CTNNA3: variants seen among roughly 807,000 people sequenced by gnomAD.
The protein encoded by CTNNA3 is catenin alpha-3.
In CTNNA3, 76 loss-of-function variants were observed where a neutral mutation model predicts 95.7. That is an observed-to-expected ratio of 0.79 (90% CI 0.66 to 0.96). The LOEUF (loss-of-function observed/expected upper bound fraction) is 0.96. CTNNA3 is among the 40% of genes least tolerant of loss of function. The pLI, the probability that CTNNA3 is intolerant of heterozygous loss-of-function variation, is 0.00. For missense variants in CTNNA3, 1,191 were observed against 1,089.8 expected (o/e 1.09, Z -1.31); for synonymous variants, 431 against 374.4 (o/e 1.15, Z -1.74).
chr10:67,414,020 A>G (rs1434609764), intron 5 of CTNNA3, among the ~76,000 whole-genome samples: 1 of 152,150 alleles, frequency 6.6e-6, no homozygotes, highest in Non-Finnish European at 1.5e-5. Context: ...TTGCACCTAC[A>G]GGAACAAGAA....
chr10:67,750,982 A>G (rs1841403953), intron 1 of CTNNA3: 1 of 1,593,146 alleles, frequency 6.3e-7, no homozygotes. Context: ...GGATCCCAAG[A>G]TTAAGGAGAT....
intron 13 of CTNNA3, among the ~76,000 whole-genome samples, chr10:66,128,874 G>C (rs2082953203): frequency 6.7e-6 from 1 of 149,544 alleles, no homozygotes; most frequent in Admixed American, 6.7e-5. Context: ...GTGTGAGTTT[G>C]TGTGTGTGTG....
At chr10:67,200,264 G>T (rs551108277) in intron 6 of CTNNA3, among the ~76,000 whole-genome samples, 1 of 152,060 alleles carries the variant, frequency 6.6e-6, no homozygotes, top group Non-Finnish European at 1.5e-5. Flanking sequence ...AAGATCTGGT[G>T]GGGGGAAAGT....
chr10:66,635,763 T>C (rs1267822072), intron 9 of CTNNA3, among the ~76,000 whole-genome samples: 1 of 152,130 alleles, frequency 6.6e-6, no homozygotes, highest in East Asian at 1.9e-4. Context: ...AGAACGGGTC[T>C]CTTAGTAGAA....
At chr10:67,593,879 C>T (rs1842858803) in intron 3 of CTNNA3, among the ~76,000 whole-genome samples, 6 of 152,024 alleles carry the variant, frequency 3.9e-5, no homozygotes. Flanking sequence ...TATTCATATG[C>T]TGTTGACTGT....
intron 10 of CTNNA3, among the ~76,000 whole-genome samples, chr10:66,576,691 C>T (rs948674472): frequency 1.3e-5 from 2 of 152,018 alleles, no homozygotes; most frequent in Non-Finnish European, 2.9e-5. Context: ...TGCAGTATTC[C>T]GTGGTCTATA....
At chr10:67,317,167 TTTTG>T (rs1217115422) in intron 5 of CTNNA3, among the ~76,000 whole-genome samples, 2 of 67,836 alleles carry the variant, frequency 2.9e-5, no homozygotes, top group African/African-American at 5.5e-5. Flanking sequence ...TTTTGTTTTG[TTTTG>T]TTTTTTTCTT....
intron 6 of CTNNA3, among the ~76,000 whole-genome samples, chr10:67,204,257 G>T (rs1315461749): frequency 6.6e-6 from 1 of 152,102 alleles, no homozygotes; most frequent in East Asian, 1.9e-4. Context: ...CTTGGCGGGA[G>T]GTGATTAGAT....
At chr10:67,462,021 A>G (rs913148964) in intron 5 of CTNNA3, among the ~76,000 whole-genome samples, 5 of 152,230 alleles carry the variant, frequency 3.3e-5, no homozygotes, top group African/African-American at 1.2e-4. Context: ...TTATATTTGT[A>G]GTCACCAGTT....
At chr10:66,238,675 T>C (rs2089973967) in intron 13 of CTNNA3, among the ~76,000 whole-genome samples, 1 of 77,990 alleles carries the variant, frequency 1.3e-5, no homozygotes, top group Non-Finnish European at 2.9e-5. Flanking sequence ...TACTAATAAA[T>C]GTCCAAATAT....
At chr10:67,001,024 C>A (rs1276491031) in intron 7 of CTNNA3, among the ~76,000 whole-genome samples, 1 of 151,998 alleles carries the variant, frequency 6.6e-6, no homozygotes, top group South Asian at 2.1e-4. Flanking sequence ...TTAAATAGGC[C>A]AGGTGCAGTG....
intron 14 of CTNNA3, among the ~76,000 whole-genome samples, chr10:66,079,791 G>C (rs1194225365): frequency 1.3e-5 from 2 of 151,870 alleles, no homozygotes; most frequent in African/African-American, 4.8e-5. Context: ...TGCAACACCT[G>C]TAGTGACACA....
intron 7 of CTNNA3, among the ~76,000 whole-genome samples, chr10:66,882,679 C>G (rs950964622): frequency 6.6e-6 from 1 of 151,982 alleles, no homozygotes; most frequent in African/African-American, 2.4e-5. Flanking sequence ...TATATAACAG[C>G]ACAAAGGAGA....
intron 7 of CTNNA3, among the ~76,000 whole-genome samples, chr10:67,154,320 A>G (rs1015203676): frequency 1.3e-5 from 2 of 152,152 alleles, no homozygotes; most frequent in Non-Finnish European, 2.9e-5. Flanking sequence ...CAAAGGTGAT[A>G]TTACCAACTC....
chr10:66,718,793 A>T (rs1848535843), intron 9 of CTNNA3, among the ~76,000 whole-genome samples: 1 of 152,110 alleles, frequency 6.6e-6, no homozygotes. Context: ...AATACTTGTT[A>T]AATGAAAATC....
chr10:66,789,701 T>C (rs530511339), intron 7 of CTNNA3, among the ~76,000 whole-genome samples: 76 of 152,262 alleles, frequency 5.0e-4, no homozygotes, highest in Non-Finnish European at 8.4e-4. Flanking sequence ...ATATTTTCCA[T>C]GTGAGTATAG....
chr10:66,140,015 G>A (rs931877950), intron 13 of CTNNA3, among the ~76,000 whole-genome samples: 6 of 152,130 alleles, frequency 3.9e-5, no homozygotes, highest in African/African-American at 1.4e-4. Context: ...GTAACTGCAC[G>A]CTCCATGTCT....
intron 3 of CTNNA3, among the ~76,000 whole-genome samples, chr10:67,576,300 G>A (rs1414015520): frequency 6.6e-6 from 1 of 152,104 alleles, no homozygotes; most frequent in Non-Finnish European, 1.5e-5. Context: ...GACCTTGAGA[G>A]TCATTTGACC....
At chr10:66,749,798 A>T (rs554899330) in intron 9 of CTNNA3, among the ~76,000 whole-genome samples, 26 of 152,340 alleles carry the variant, frequency 1.7e-4, no homozygotes, top group Admixed American at 2.6e-4. Context: ...ACTGTCTTCC[A>T]AAGTGGCTGT....
Sources: allele counts gnomAD v4.1 joint callset (sites outside exome capture counted in the v4.1 genomes callset), GRCh38; gene constraint gnomAD v4.1.1; transcripts MANE v1.5; gene names NCBI Gene and HGNC (gene_info 2026-07-23, HGNC 2026-07-21).